DTNB: variants seen among roughly 807,000 people sequenced by gnomAD.
DTNB encodes the protein dystrobrevin beta.
DTNB carries 63 observed loss-of-function variants against 90.7 expected under a neutral mutation model. The observed-to-expected ratio is 0.69, with a 90% confidence interval of 0.57 to 0.86. The LOEUF is 0.86. Ranked by LOEUF, DTNB falls within the 40% of genes least tolerant of loss-of-function variation. DTNB has a pLI of 0.00. For missense variants in DTNB, 744 were observed against 807.1 expected (o/e 0.92, Z 0.95); for synonymous variants, 277 against 286.7 (o/e 0.97, Z 0.34).
Position 25,427,588 on chromosome 2 carries a change from C to G in DTNB, c.1501G>C (p.Glu501Gln). 1 of 1,613,762 alleles carries G rather than the reference C, an allele frequency of 6.2e-7. No individual in the cohort carries two copies. Among genetic ancestry groups the G allele is most frequent in the Non-Finnish European group, 8.5e-7 (1 of 1,179,858 alleles). Residue 501 changes from glutamate (E) to glutamine (Q), a missense_variant, in exon 15 of 21, where the codon GAG (glutamate) becomes CAG (glutamine). Coordinates refer to ENST00000406818, the MANE Select transcript of DTNB (RefSeq NM_021907.5). ...ELEQRMSALQESRRELMVQLE... is the reference protein window; with the variant it reads ...ELEQRMSALQQSRRELMVQLE... ...TGGACCATCAGCTCCCGCCTGCTCT[C>G]CTGCAGGGCCGACATCCTCTGCTCC...
At chr2:25,528,145 T>C (rs1292206026) in intron 9 of DTNB, among the ~76,000 whole-genome samples, 1 of 152,196 alleles carries the variant, frequency 6.6e-6, no homozygotes, top group Non-Finnish European at 1.5e-5. Flanking sequence ...TCTTTGATCA[T>C]CAATAGAGAA....
chr2:25,458,923 G>A (rs1234671148), intron 10 of DTNB, among the ~76,000 whole-genome samples: 1 of 152,100 alleles, frequency 6.6e-6, no homozygotes, highest in East Asian at 1.9e-4. Flanking sequence ...GGGATTACAG[G>A]CATGAGCCAC....
intron 8 of DTNB, among the ~76,000 whole-genome samples, chr2:25,567,462 T>C (rs1559057711): frequency 6.6e-6 from 1 of 152,236 alleles, no homozygotes; most frequent in Non-Finnish European, 1.5e-5. Flanking sequence ...ATGCTGCACA[T>C]ATATAAGCTG....
chr2:25,383,864 T>C lies in DTNB; in HGVS notation c.1851A>G (p.Glu617=), dbSNP rs1024241806. ...HSAEEGAEEE[E]EKMQNGKDRG Reference sequence around the variant, plus strand: ...TGTCTTTCCCATTCTGCATCTTCTCTTCTTCTTCCTCTGCACCTTCCTCTG... The same window carrying C: ...TGTCTTTCCCATTCTGCATCTTCTCCTCTTCTTCCTCTGCACCTTCCTCTG... Residue 617 remains glutamate, a synonymous_variant, in exon 19 of 21, where the codon GAA becomes GAG. Coordinates refer to ENST00000406818, the MANE Select transcript of DTNB (RefSeq NM_021907.5). 6.2e-7 allele frequency: 1 copy of C among 1,613,920 alleles called. No homozygotes were observed. The highest frequency in any genetic ancestry group is 2.2e-5 in the East Asian group (1 of 44,788).
At chr2:25,530,608 T>G (rs1000943522) in intron 9 of DTNB, among the ~76,000 whole-genome samples, 4 of 152,194 alleles carry the variant, frequency 2.6e-5, no homozygotes, top group African/African-American at 9.7e-5. Context: ...AATGAATTTG[T>G]AATTCACATG....
At chr2:25,504,370 AGAAGGAAAGAAAGAAGGAAAGAAG>A (rs1459079213) in intron 9 of DTNB, among the ~76,000 whole-genome samples, 1 of 148,466 alleles carries the variant, frequency 6.7e-6, no homozygotes, top group Non-Finnish European at 1.5e-5. Context: ...AGGGAGGGAG[AGAAGGAAAGAAAGAAGGAAAGAAG>A]GAAGGAAGGA....
intron 8 of DTNB, among the ~76,000 whole-genome samples, chr2:25,541,606 C>G (rs2081275358): frequency 6.6e-6 from 1 of 152,116 alleles, no homozygotes; most frequent in Non-Finnish European, 1.5e-5. Flanking sequence ...TCTCATAGAG[C>G]CGGAAGTATT....
intron 10 of DTNB, among the ~76,000 whole-genome samples, chr2:25,472,363 G>C (rs1044398794): frequency 6.6e-6 from 1 of 152,198 alleles, no homozygotes; most frequent in African/African-American, 2.4e-5. Flanking sequence ...CCTTCAGGGA[G>C]AAGTGGCATA....
At chr2:25,669,805 A>G (rs904798003) in intron 1 of DTNB, among the ~76,000 whole-genome samples, 9 of 152,058 alleles carry the variant, frequency 5.9e-5, no homozygotes, top group African/African-American at 1.9e-4. Context: ...AAAATTTTAA[A>G]TGGTGGCACG....
intron 10 of DTNB, among the ~76,000 whole-genome samples, chr2:25,471,835 G>A (rs1394873273): frequency 1.5e-5 from 2 of 133,532 alleles, no homozygotes; most frequent in South Asian, 4.8e-4. Context: ...TTAAGGACCC[G>A]CTATCAATCA....
chr2:25,383,379 G>T (rs1316876714), intron 19 of DTNB, among the ~76,000 whole-genome samples: 1 of 151,818 alleles, frequency 6.6e-6, no homozygotes, highest in East Asian at 1.9e-4. Flanking sequence ...ACCACACCTG[G>T]CTAATTTTTT....
intron 9 of DTNB, among the ~76,000 whole-genome samples, chr2:25,501,962 G>A (rs1488387028): frequency 6.6e-6 from 1 of 152,148 alleles, no homozygotes; most frequent in East Asian, 1.9e-4. Context: ...AAAGTAGGAG[G>A]ATCACTTGAG....
chr2:25,490,694 G>A (rs2067206322), intron 9 of DTNB, among the ~76,000 whole-genome samples: 1 of 152,166 alleles, frequency 6.6e-6, no homozygotes, highest in African/African-American at 2.4e-5. Context: ...TAATGCTTAT[G>A]AAGACTTTTT....
intron 12 of DTNB, among the ~76,000 whole-genome samples, chr2:25,446,708 G>A (rs1298505357): frequency 6.6e-6 from 1 of 152,082 alleles, no homozygotes; most frequent in Non-Finnish European, 1.5e-5. Context: ...ACTATGATAT[G>A]TCTAGTTGTA....
At chr2:25,633,860 C>T (rs1357166211) in intron 3 of DTNB, among the ~76,000 whole-genome samples, 4 of 150,980 alleles carry the variant, frequency 2.6e-5, no homozygotes, top group Non-Finnish European at 4.4e-5. Context: ...TCTACCCGGC[C>T]GCGACCCCGT....
At chr2:25,536,037 G>A (rs868284088) in intron 8 of DTNB, among the ~76,000 whole-genome samples, 416 of 143,542 alleles carry the variant, frequency 2.9e-3, no homozygotes, top group Middle Eastern at 7.8e-3. Context: ...CGGGGCAGCC[G>A]GGCAGAGGTG....
chr2:25,473,955 G>A (rs927022656), intron 10 of DTNB, among the ~76,000 whole-genome samples: 3 of 152,202 alleles, frequency 2.0e-5, no homozygotes, highest in Non-Finnish European at 2.9e-5. Flanking sequence ...CGGATGTGAC[G>A]CTTGGTCACG....
chr2:25,391,020 T>C (rs2040952028), intron 16 of DTNB, among the ~76,000 whole-genome samples: 1 of 151,744 alleles, frequency 6.6e-6, no homozygotes, highest in Non-Finnish European at 1.5e-5. Flanking sequence ...CCTCAGCCTC[T>C]TGACTAGCTG....
chr2:25,429,970 C>A (rs1283425195), intron 14 of DTNB, among the ~76,000 whole-genome samples: 1 of 152,128 alleles, frequency 6.6e-6, no homozygotes, highest in Admixed American at 6.6e-5. Flanking sequence ...CACTTCCAAT[C>A]TGAAATGTTT....
Sources: gnomAD v4.1 joint callset for allele counts (sites outside exome capture counted in the v4.1 genomes callset) on GRCh38, gnomAD v4.1.1 for gene constraint, MANE v1.5 for transcripts, NCBI Gene and HGNC (gene_info 2026-07-23, HGNC 2026-07-21) for gene names.